LPIN1: variants seen among roughly 807,000 people sequenced by gnomAD.
The protein encoded by LPIN1 is lipin 1, also known as phosphatidate phosphatase LPIN1.
A neutral mutation model predicts 107.5 loss-of-function variants in LPIN1; 71 were observed. The ratio of observed to expected loss-of-function variants is 0.66; its 90% CI spans 0.55 to 0.80. LPIN1 has a LOEUF of 0.80. Among genes scored for constraint, LPIN1 ranks in the 30% least tolerant of loss-of-function variants. The probability of loss-of-function intolerance (pLI) is 0.00; values close to 1 mark genes in which losing one functional copy is unlikely to be tolerated. For missense variants in LPIN1, 1,043 were observed against 1,160.6 expected (o/e 0.90, Z 1.47); for synonymous variants, 445 against 452.6 (o/e 0.98, Z 0.21).
intron 1 of LPIN1, among the ~76,000 whole-genome samples, chr2:11,691,119 T>C: frequency 7.4e-6 from 1 of 135,496 alleles, no homozygotes; most frequent in Admixed American, 7.7e-5. Flanking sequence ...TTAATACCCC[T>C]CACACCAACT....
At chr2:11,753,206 G>GGGCTTTGGTGGCTTTGGT (rs55699947) in intron 1 of LPIN1, among the ~76,000 whole-genome samples, 2 of 151,508 alleles carry the variant, frequency 1.3e-5, no homozygotes, top group South Asian at 4.2e-4. Context: ...AACACAGGCA[G>GGGCTTTGGTGGCTTTGGT]GGCTTTGGTG....
At position 11,774,388 on chromosome 2, in the gene LPIN1, C is replaced by A. The variant is rs1672335312; in HGVS notation, c.722+643C>A. The stretch of plus-strand genomic sequence containing the variant: ...TCTCAACACAGGAAATAATATAACC[C>A]CCATTGGGATGAAAATTCATTCTTG... On this transcript the variant is annotated intron_variant, in intron 5 of 20. Transcript: ENST00000674199. This position sits in a 1 kb window ranked among gnomAD's most constrained non-coding sequence, Gnocchi z 4.4. Among the ~76,000 whole-genome samples the A allele has an allele frequency of 6.6e-6, 1 of 152,050 alleles. No individual in the cohort carries two copies. The highest frequency in any genetic ancestry group is 2.4e-5 in the African/African-American group (1 of 41,366).
In LPIN1 at chr2:11,767,050, C is replaced by T. The variant is rs185970511; in HGVS notation, c.193-713C>T. ...ATTTCTAGTTTATTTTCAGGAGTGGCGAAGGTTCTGGAAGAGCAGGTAGGA... is the reference window on the plus strand; with the variant it reads ...ATTTCTAGTTTATTTTCAGGAGTGGTGAAGGTTCTGGAAGAGCAGGTAGGA... On this transcript the variant is annotated intron_variant, in intron 2 of 20. Coordinates refer to ENST00000674199, the MANE Select transcript of LPIN1 (RefSeq NM_001349206.2). 2.0e-5 allele frequency among the ~76,000 whole-genome samples: 3 copies of T among 152,124 alleles called. No homozygotes were observed. In the East Asian group the frequency reaches 5.8e-4, roughly 29 times the overall value.
Position 11,707,785 on chromosome 2 carries a change from G to A in LPIN1, c.82-5971G>A, listed in dbSNP as rs945138099. The stretch of plus-strand genomic sequence containing the variant: ...CGCTGCTGCTTCTGTGAGCACCACA[G>A]GTGCTCACCTGCCTGCTGGGATGGA... On this transcript the variant is annotated intron_variant, in intron 1 of 21. Transcript: ENST00000449576. The surrounding 1 kb of genome is among the most constrained non-coding windows in gnomAD (Gnocchi z 4.2). Among the ~76,000 whole-genome samples, 39 of 152,286 alleles carry A rather than the reference G, an allele frequency of 2.6e-4. No homozygotes were observed. Among genetic ancestry groups the A allele is most frequent in the African/African-American group, 8.9e-4 (37 of 41,566 alleles).
At chr2:11,787,398 C>CTTTTTTTTTTTTTTTTTTTTTTT (rs1205272301) in intron 11 of LPIN1, among the ~76,000 whole-genome samples, 1 of 64,554 alleles carries the variant, frequency 1.5e-5, no homozygotes, top group African/African-American at 8.1e-5. Flanking sequence ...TTTTCTTTTT[C>CTTTTTTTTTTTTTTTTTTTTTTT]TTTTTTTTTT....
At chr2:11,743,604 C>T (rs1666587301), upstream of LPIN1, among the ~76,000 whole-genome samples, 1 of 152,158 alleles carries the variant, frequency 6.6e-6, no homozygotes. The surrounding 1 kb of genome is among the most constrained non-coding windows in gnomAD (Gnocchi z 4.7). Context: ...GCCTTAGACC[C>T]CGAGGAGATG....
upstream of LPIN1, chr2:11,722,467 A>G (rs2148535249): frequency 6.6e-6 from 1 of 152,310 alleles, no homozygotes; most frequent in South Asian, 2.1e-4. Flanking sequence ...ACGGCTCTGC[A>G]GTGTAATGGC....
intron 3 of LPIN1, among the ~76,000 whole-genome samples, chr2:11,770,017 T>C (rs1671591540): frequency 6.6e-6 from 1 of 152,222 alleles, no homozygotes; most frequent in African/African-American, 2.4e-5. Context: ...CTGTTGATAC[T>C]GGGGATCCCT....
intron 1 of LPIN1, among the ~76,000 whole-genome samples, chr2:11,750,625 C>T (rs1225443211): frequency 1.3e-5 from 2 of 152,198 alleles, no homozygotes; most frequent in African/African-American, 4.8e-5. Context: ...CATTTACTGC[C>T]TCACAACAGT....
At chr2:11,733,152 A>ATCTAATTTGAATATGTGTCC (rs1665422310) in intron 1 of LPIN1, among the ~76,000 whole-genome samples, 1 of 152,034 alleles carries the variant, frequency 6.6e-6, no homozygotes, top group Non-Finnish European at 1.5e-5. Flanking sequence ...CAACCACTTG[A>ATCTAATTTGAATATGTGTCC]TCTAATTTGA....
In LPIN1 at chr2:11,741,279, G is replaced by C. The variant is rs1015050142; in HGVS notation, c.-71-70G>C. On this transcript the variant is annotated intron_variant, in intron 1 of 21. Coordinates refer to the LPIN1 transcript ENST00000396097. ...CCTCTGTAGAATGTGAGGATGGCCTGGTCATTTTCATTCTCGAGAGACACT... is the reference window on the plus strand; with the variant it reads ...CCTCTGTAGAATGTGAGGATGGCCTCGTCATTTTCATTCTCGAGAGACACT... 1.4e-5 allele frequency: 15 copies of C among 1,092,134 alleles called. 1 individual carries two copies. In the African/African-American group the frequency reaches 2.4e-4, roughly 17 times the overall value. The allele number at this position is 1,092,134 out of a possible 1,614,324, so 67.7% of individuals were successfully genotyped here. A position where few individuals can be genotyped will look rare whatever the true frequency, so the allele number is the denominator to read the frequency against.
intron 2 of LPIN1, among the ~76,000 whole-genome samples, chr2:11,715,812 AG>A (rs1282727237): frequency 6.6e-6 from 1 of 152,076 alleles, no homozygotes; most frequent in African/African-American, 2.4e-5. Flanking sequence ...ATGAAAATGG[AG>A]GAGGAGGATG....
In LPIN1 at chr2:11,772,265, G is replaced by A. The variant is rs142365093; in HGVS notation, c.596+586G>A. Reference sequence around the variant, plus strand: ...TGCCATGTGGCCCAGTTTCTAACAGGGGCATGGACCCCAGGGGTTGGGGAC... The same window carrying A: ...TGCCATGTGGCCCAGTTTCTAACAGAGGCATGGACCCCAGGGGTTGGGGAC... On this transcript the variant is annotated intron_variant, in intron 4 of 20. Coordinates refer to ENST00000674199, the MANE Select transcript of LPIN1 (RefSeq NM_001349206.2). Among the ~76,000 whole-genome samples the A allele has an allele frequency of 2.7e-3, 407 of 152,288 alleles. 3 individuals are homozygous for A. Among genetic ancestry groups the A allele is most frequent in the African/African-American group, 7.6e-3 (316 of 41,560 alleles).
At chr2:11,818,862 A>T (rs7590485) in intron 18 of LPIN1, 90 of 152,264 alleles carry the variant, frequency 5.9e-4, no homozygotes, top group African/African-American at 1.7e-3. Context: ...TAAGTATTTT[A>T]AAAAATGAAT....
At position 11,765,801 on chromosome 2, in the gene LPIN1, GC is replaced by G; in HGVS notation, c.192+70del. On this transcript the variant is annotated intron_variant, in intron 2 of 20. Transcript: ENST00000674199. This position sits in a 1 kb window ranked among gnomAD's most constrained non-coding sequence, Gnocchi z 4.4. ...GAGAATGCCCTTGTACTCTGGTGAT[GC>G]CACCTGTCTTGAACTCTCAGACCCA... The G allele has an allele frequency of 7.0e-7, 1 of 1,421,472 alleles. No homozygotes were observed. Among genetic ancestry groups the G allele is most frequent in the Non-Finnish European group, 9.7e-7 (1 of 1,033,660 alleles). The allele number at this position is 1,421,472 out of a possible 1,614,324, so 88.1% of individuals were successfully genotyped here.
intron 1 of LPIN1, among the ~76,000 whole-genome samples, chr2:11,762,388 G>A (rs1260186275): frequency 7.9e-6 from 1 of 126,796 alleles, no homozygotes; most frequent in Non-Finnish European, 1.6e-5. Context: ...ATCGGCCATT[G>A]ATTACACTTA....
chr2:11,754,235 C>T (rs1668331274), intron 1 of LPIN1, among the ~76,000 whole-genome samples: 1 of 152,230 alleles, frequency 6.6e-6, no homozygotes, highest in Non-Finnish European at 1.5e-5. Flanking sequence ...CACCCCATCC[C>T]AGAGTGATAT....
At chr2:11,715,011 G>C (rs1663639611) in intron 2 of LPIN1, among the ~76,000 whole-genome samples, 1 of 152,230 alleles carries the variant, frequency 6.6e-6, no homozygotes, top group Non-Finnish European at 1.5e-5. Flanking sequence ...TTATTTCCAA[G>C]GGGATTGGCA....
chr2:11,759,149 C>A lies in LPIN1; in HGVS notation c.-9-6384C>A, dbSNP rs572411027. 3.6e-3 allele frequency among the ~76,000 whole-genome samples: 519 copies of A among 143,466 alleles called. 2 individuals are homozygous for A. The highest frequency in any genetic ancestry group is 0.013 in the African/African-American group (483 of 37,668). The allele number at this position is 143,466 out of a possible 152,430, so 94.1% of individuals were successfully genotyped here. On this transcript the variant is annotated intron_variant, in intron 1 of 20. Transcript: ENST00000674199. ...CTTTCTTTCTTTTCTTTCTTTCTTT[C>A]TTTCTTTCTTTCTTTCTTTCTTTCT...
Sources: allele counts gnomAD v4.1 joint callset (sites outside exome capture counted in the v4.1 genomes callset), GRCh38; gene constraint gnomAD v4.1.1; non-coding constraint Gnocchi (gnomAD v3.1); transcripts MANE v1.5; gene names NCBI Gene and HGNC (gene_info 2026-07-23, HGNC 2026-07-21).